MAPK8: variants seen among roughly 807,000 people sequenced by gnomAD.
MAPK8 encodes mitogen-activated protein kinase 8.
A neutral mutation model predicts 52.9 loss-of-function variants in MAPK8; 13 were observed. That is an observed-to-expected ratio of 0.25 (90% CI 0.16 to 0.39). The LOEUF (loss-of-function observed/expected upper bound fraction) is 0.39, where lower values mean the gene tolerates loss of function less well. MAPK8 is among the 10% of genes least tolerant of loss of function. The probability of loss-of-function intolerance (pLI) is 1.00; values close to 1 mark genes in which losing one functional copy is unlikely to be tolerated. For missense variants in MAPK8, 300 were observed against 519.2 expected (o/e 0.58, Z 4.10); for synonymous variants, 191 against 169.8 (o/e 1.12, Z -0.97).
intron 1 of MAPK8, among the ~76,000 whole-genome samples, chr10:48,340,419 A>C (rs1002907795): frequency 1.3e-5 from 2 of 152,152 alleles, no homozygotes; most frequent in South Asian, 2.1e-4. Flanking sequence ...TAGGGTTGAA[A>C]ACCTCCCTCC....
At chr10:48,331,781 G>T (rs540447933) in intron 1 of MAPK8, among the ~76,000 whole-genome samples, 10 of 152,182 alleles carry the variant, frequency 6.6e-5, no homozygotes, top group Non-Finnish European at 1.5e-4. Context: ...TAGTAGGGAG[G>T]ATCTGTAGCT....
intron 1 of MAPK8, among the ~76,000 whole-genome samples, chr10:48,307,394 C>T (rs1841489435): frequency 1.3e-5 from 2 of 152,212 alleles, no homozygotes; most frequent in Non-Finnish European, 1.5e-5. Flanking sequence ...CTCTGGGCTG[C>T]AGGGCAGAGA....
chr10:48,370,011 G>T (rs1848402900), intron 1 of MAPK8, among the ~76,000 whole-genome samples: 1 of 152,026 alleles, frequency 6.6e-6, no homozygotes, highest in African/African-American at 2.4e-5. Context: ...GATTATGACA[G>T]CGAAGTAAGG....
At chr10:48,319,770 G>A (rs1357171341) in intron 1 of MAPK8, among the ~76,000 whole-genome samples, 1 of 152,134 alleles carries the variant, frequency 6.6e-6, no homozygotes, top group African/African-American at 2.4e-5. Context: ...GGGATTACAG[G>A]TGTGAGCCAC....
At chr10:48,348,769 A>G (rs550501217) in intron 1 of MAPK8, among the ~76,000 whole-genome samples, 1 of 152,252 alleles carries the variant, frequency 6.6e-6, no homozygotes, top group East Asian at 1.9e-4. Context: ...TACCAGTACC[A>G]TGCTGTTTTG....
intron 1 of MAPK8, among the ~76,000 whole-genome samples, chr10:48,353,257 G>C (rs188724942): frequency 1.0e-3 from 156 of 152,272 alleles, no homozygotes; most frequent in Non-Finnish European, 5.0e-4. Flanking sequence ...TATATGAAAA[G>C]ACAGAAGAAC....
Position 48,387,004 on chromosome 10 carries a change from A to T in MAPK8, c.-49-14608A>T, listed in dbSNP as rs80103608. Among the ~76,000 whole-genome samples, 98 of 152,340 alleles carry T rather than the reference A, an allele frequency of 6.4e-4. 1 individual carries two copies. In the East Asian group the frequency reaches 0.017, roughly 27 times the overall value. On this transcript the variant is annotated intron_variant, in intron 1 of 11. Coordinates refer to ENST00000374189, the MANE Select transcript of MAPK8 (RefSeq NM_001323329.2). ...CAAAATGTAGAAATTGTTAAGGGAC[A>T]GTTTCTTGTTGAGACAGTTTCTGTC...
intron 1 of MAPK8, among the ~76,000 whole-genome samples, chr10:48,341,600 C>G (rs1332847353): frequency 6.6e-6 from 1 of 152,178 alleles, no homozygotes; most frequent in Non-Finnish European, 1.5e-5. Context: ...CTGTTTGGTG[C>G]TTATTATGCG....
intron 1 of MAPK8, among the ~76,000 whole-genome samples, chr10:48,390,607 C>T (rs1173320020): frequency 6.6e-6 from 1 of 152,140 alleles, no homozygotes; most frequent in Non-Finnish European, 1.5e-5. Flanking sequence ...ACTAGTTTAA[C>T]CTGTGTGTTT....
chr10:48,382,788 T>C (rs2041077012), intron 1 of MAPK8, among the ~76,000 whole-genome samples: 1 of 147,268 alleles, frequency 6.8e-6, no homozygotes, highest in Non-Finnish European at 1.5e-5. Flanking sequence ...TATCTTTATA[T>C]ATACTTATAT....
intron 5 of MAPK8, among the ~76,000 whole-genome samples, chr10:48,412,520 T>A (rs998814592): frequency 1.3e-5 from 2 of 152,230 alleles, no homozygotes; most frequent in Non-Finnish European, 2.9e-5. Context: ...CTTTTGGAAC[T>A]CCCATTATGC....
intron 1 of MAPK8, among the ~76,000 whole-genome samples, chr10:48,323,758 C>CT (rs928435680): frequency 1.6e-4 from 25 of 152,072 alleles, no homozygotes; most frequent in African/African-American, 5.8e-4. Context: ...ATGATAGATA[C>CT]TGGGTGTATT....
intron 1 of MAPK8, among the ~76,000 whole-genome samples, chr10:48,335,639 C>T (rs1343717967): frequency 1.3e-5 from 2 of 152,118 alleles, no homozygotes; most frequent in African/African-American, 2.4e-5. Flanking sequence ...TACCCTAGCC[C>T]AAATAACATA....
chr10:48,407,752 T>G (rs1223813700), intron 3 of MAPK8, among the ~76,000 whole-genome samples: 1 of 152,154 alleles, frequency 6.6e-6, no homozygotes, highest in Non-Finnish European at 1.5e-5. Flanking sequence ...AAGAAATCTT[T>G]TATCCTTTAG....
intron 1 of MAPK8, among the ~76,000 whole-genome samples, chr10:48,367,959 ATTAAC>A (rs982794032): frequency 6.6e-6 from 1 of 152,200 alleles, no homozygotes; most frequent in African/African-American, 2.4e-5. Flanking sequence ...AGAGAATTAA[ATTAAC>A]TTATATTACA....
chr10:48,424,101 T>G lies in MAPK8; in HGVS notation c.630T>G (p.Ser210=), dbSNP rs1220461095. ...GCAAACATATAGTGGATTTATGGTC[T>G]GTGGGGTGCATTATGGGAGAAATGG... ...MGYKENVDLW[S]VGCIMGEMVC... The change falls in exon 7 of 12, where the codon TCT becomes TCG. Residue 210 remains serine, a synonymous_variant. Coordinates refer to ENST00000374189, the MANE Select transcript of MAPK8 (RefSeq NM_001323329.2). 6.2e-7 allele frequency: 1 copy of G among 1,613,434 alleles called. No homozygotes were observed. Among genetic ancestry groups the G allele is most frequent in the Non-Finnish European group, 8.5e-7 (1 of 1,179,478 alleles).
In MAPK8 at chr10:48,436,001, C is replaced by T. The variant is rs1259471044; in HGVS notation, c.*972C>T. 3.3e-5 allele frequency: 5 copies of T among 152,158 alleles called. No individual in the cohort carries two copies. The highest frequency in any genetic ancestry group is 1.2e-4 in the African/African-American group (5 of 41,440). The allele number at this position is 152,158 out of a possible 1,614,324, so 9.4% of individuals were successfully genotyped here. A position where few individuals can be genotyped will look rare whatever the true frequency, so the allele number is the denominator to read the frequency against. On this transcript the variant is annotated 3_prime_UTR_variant, in exon 12 of 12. Transcript: ENST00000374189. ...TCGGGTCCTTGGACCTTTCCTGTTT[C>T]CTATTACTTGGAGTGTCTGTCAGTT... is the stretch of plus-strand genomic sequence containing the variant.
chr10:48,375,236 A>G (rs2040583376), intron 1 of MAPK8, among the ~76,000 whole-genome samples: 1 of 152,254 alleles, frequency 6.6e-6, no homozygotes, highest in African/African-American at 2.4e-5. Flanking sequence ...GATGGAACAT[A>G]TCTCAAAATA....
At chr10:48,339,330 T>C (rs1422829093) in intron 1 of MAPK8, among the ~76,000 whole-genome samples, 2 of 151,968 alleles carry the variant, frequency 1.3e-5, no homozygotes, top group African/African-American at 4.8e-5. Context: ...AAATAAGCAA[T>C]AGAGAAAGGA....
Sources: allele counts gnomAD v4.1 joint callset (sites outside exome capture counted in the v4.1 genomes callset), GRCh38; gene constraint gnomAD v4.1.1; transcripts MANE v1.5; gene names NCBI Gene and HGNC (gene_info 2026-07-23, HGNC 2026-07-21).